UBE2U: variants seen among roughly 807,000 people sequenced by gnomAD.
UBE2U encodes ubiquitin-conjugating enzyme E2 U.
In UBE2U, 39 loss-of-function variants were observed where a neutral mutation model predicts 41.2. The observed-to-expected ratio is 0.95, with a 90% CI of 0.73 to 1.24. The LOEUF is 1.24. Ranked by LOEUF, UBE2U falls within the 50% of genes most tolerant of loss-of-function variation. UBE2U has a pLI of 0.00. For synonymous variants in UBE2U, 107 were observed against 117.8 expected, an observed-to-expected ratio of 0.91 and a Z score of 0.60; for missense variants, 336 against 363.1, an observed-to-expected ratio of 0.93 and a Z score of 0.61.
At chr1:64,237,450 C>T (rs1280233589) in intron 7 of UBE2U, among the ~76,000 whole-genome samples, 2 of 152,100 alleles carry the variant, frequency 1.3e-5, no homozygotes, top group Admixed American at 6.6e-5. Context: ...TGCAAGATAT[C>T]GTAGTGATGA....
At chr1:64,219,066 G>C (rs769671003) in intron 5 of UBE2U, among the ~76,000 whole-genome samples, 5 of 152,032 alleles carry the variant, frequency 3.3e-5, no homozygotes, top group Non-Finnish European at 5.9e-5. Context: ...CCTTGTGGTT[G>C]GTTTTGCTCC....
chr1:64,237,384 T>A (rs1005849361), intron 7 of UBE2U, among the ~76,000 whole-genome samples: 1 of 150,644 alleles, frequency 6.6e-6, no homozygotes, highest in African/African-American at 2.4e-5. Flanking sequence ...AGAAGAACTA[T>A]ACTGTGGATG....
rs573330649 is a variant in UBE2U at position 64,211,255 on chromosome 1, T to G, written c.339+416T>G. Among the ~76,000 whole-genome samples, 8 of 152,302 alleles carry G rather than the reference T, an allele frequency of 5.3e-5. No homozygotes were observed. In the East Asian group the frequency reaches 1.5e-3, roughly 29 times the overall value. On this transcript the variant is annotated intron_variant, in intron 4 of 9. Coordinates refer to ENST00000371077, the MANE Select transcript of UBE2U (RefSeq NM_001366232.2). Reference sequence around the variant, plus strand: ...GACTACAACTTAAAATGTTCACTTTTGTTTTTTGTTTCTGACAGTGCTAGT... The same window carrying G: ...GACTACAACTTAAAATGTTCACTTTGGTTTTTTGTTTCTGACAGTGCTAGT...
intron 6 of UBE2U, among the ~76,000 whole-genome samples, chr1:64,230,537 T>C (rs1557721300): frequency 6.6e-6 from 1 of 152,188 alleles, no homozygotes; most frequent in African/African-American, 2.4e-5. Context: ...GTGCACGCCA[T>C]GCTCTCTCCC....
intron 1 of UBE2U, 143 bp downstream of exon 1, chr1:64,204,259 T>C (rs1358469009): frequency 6.6e-6 from 4 of 605,954 alleles, no homozygotes; most frequent in Non-Finnish European, 1.1e-5. Flanking sequence ...TCCATTTCAC[T>C]GAAGTAATGT....
At position 64,231,364 on chromosome 1, in the gene UBE2U, T is replaced by C. The variant is rs1017466964; in HGVS notation, c.507-1197T>C. ...GACAGCAAATTGATCACAAGCTTTTTCATGCAGGAGATATAATGCAGCCTT... is the reference window on the plus strand; with the variant it reads ...GACAGCAAATTGATCACAAGCTTTTCCATGCAGGAGATATAATGCAGCCTT... On this transcript the variant is annotated intron_variant, in intron 6 of 9. Transcript: ENST00000371077. Among the ~76,000 whole-genome samples the C allele has an allele frequency of 2.6e-5, 4 of 152,216 alleles. No individual in the cohort carries two copies. The East Asian group carries it at 7.7e-4, about 29-fold the overall frequency.
chr1:64,247,239 G>C (rs1196399697), intron 8 of UBE2U, among the ~76,000 whole-genome samples: 3 of 151,908 alleles, frequency 2.0e-5, no homozygotes, highest in Non-Finnish European at 2.9e-5. Flanking sequence ...CTCCAATGTA[G>C]CCTCAAAAAG....
chr1:64,218,761 A>C (rs539967743), intron 5 of UBE2U, among the ~76,000 whole-genome samples: 2 of 152,392 alleles, frequency 1.3e-5, no homozygotes, highest in Admixed American at 1.3e-4. Context: ...TACTTGCCAC[A>C]GATAAACCAT....
intron 8 of UBE2U, among the ~76,000 whole-genome samples, chr1:64,256,840 G>A (rs926853252): frequency 6.6e-5 from 10 of 151,664 alleles, no homozygotes; most frequent in Non-Finnish European, 1.5e-4. Flanking sequence ...CTAAAGAAAG[G>A]GAGAAAAATT....
Position 64,232,583 on chromosome 1 carries a change from A to C in UBE2U, c.529A>C (p.Ser177Arg). Residue 177 changes from serine to arginine, a missense_variant, in exon 7 of 10, where the codon AGT becomes CGT. Transcript: ENST00000371077. ...CAGACCAATTAAAACAACCTCATTT[A>C]GTGATTACTACCAGACATGGTCCAG... is the stretch of plus-strand genomic sequence containing the variant. ...CIRPIKTTSF[S>R]DYYQTWSRIA... 5.6e-6 allele frequency: 9 copies of C among 1,613,128 alleles called. No individual in the cohort carries two copies. Among genetic ancestry groups the C allele is most frequent in the Non-Finnish European group, 7.6e-6 (9 of 1,179,520 alleles).
At position 64,258,376 on chromosome 1, in the gene UBE2U, G is replaced by T. The variant is rs148033783; in HGVS notation, c.678-2227G>T. On this transcript the variant is annotated intron_variant, in intron 8 of 9. Coordinates refer to ENST00000371077, the MANE Select transcript of UBE2U (RefSeq NM_001366232.2). Reference sequence around the variant, plus strand: ...TAGTGTACATGTGCACAACGTGCAGGTTTGTTACATAGGTATACATGTGCC... The same window carrying T: ...TAGTGTACATGTGCACAACGTGCAGTTTTGTTACATAGGTATACATGTGCC... 2.0e-4 allele frequency among the ~76,000 whole-genome samples: 30 copies of T among 152,234 alleles called. No individual in the cohort carries two copies. In the East Asian group the frequency reaches 5.4e-3, roughly 27 times the overall value.
chr1:64,224,493 C>T (rs976800652), intron 6 of UBE2U, among the ~76,000 whole-genome samples: 1 of 152,046 alleles, frequency 6.6e-6, no homozygotes, highest in Non-Finnish European at 1.5e-5. Flanking sequence ...GAGGCCGAGG[C>T]GGGTGGATCA....
At chr1:64,263,151 T>C (rs994702838) in intron 9 of UBE2U, among the ~76,000 whole-genome samples, 2 of 152,216 alleles carry the variant, frequency 1.3e-5, no homozygotes, top group Admixed American at 6.5e-5. Context: ...TCTTTAATCA[T>C]GGAATAGACT....
Position 64,239,139 on chromosome 1 carries a change from A to AAGGAGAAGGAGAAGGAGAAGGAGAAGG in UBE2U, c.596-2511_596-2510insGAGAAGGAGAAGGAGAAGGAGAAGGAG, listed in dbSNP as rs1557730519. Among the ~76,000 whole-genome samples the AAGGAGAAGGAGAAGGAGAAGGAGAAGG allele has an allele frequency of 1.1e-4, 3 of 26,860 alleles. 1 individual carries two copies. Among genetic ancestry groups the AAGGAGAAGGAGAAGGAGAAGGAGAAGG allele is most frequent in the African/African-American group, 5.7e-4 (3 of 5,248 alleles). 17.6% of individuals were successfully genotyped at this position (26,860 alleles called of 152,430 possible). On this transcript the variant is annotated intron_variant, in intron 7 of 9. Coordinates refer to ENST00000371077, the MANE Select transcript of UBE2U (RefSeq NM_001366232.2). ...GAAGAAGAAGAAGAAGAAGAAGAAG[A>AAGGAGAAGGAGAAGGAGAAGGAGAAGG]AGAAGAAGAAGAAGAAGAAAGAAGA... is the stretch of plus-strand genomic sequence containing the variant.
chr1:64,229,078 C>T (rs1653099439), intron 6 of UBE2U, among the ~76,000 whole-genome samples: 1 of 151,896 alleles, frequency 6.6e-6, no homozygotes, highest in Non-Finnish European at 1.5e-5. Flanking sequence ...CCAGGATGGT[C>T]GCGATCTCCT....
intron 8 of UBE2U, among the ~76,000 whole-genome samples, chr1:64,252,449 G>A (rs1280628752): frequency 6.6e-6 from 1 of 152,180 alleles, no homozygotes; most frequent in Non-Finnish European, 1.5e-5. Context: ...CTCCTGACTG[G>A]GAGAGACCTT....
chr1:64,267,255 C>G lies in UBE2U; in HGVS notation c.*47C>G, dbSNP rs184589044. 1,470 of 1,405,964 alleles carry G rather than the reference C, an allele frequency of 1.0e-3. 14 individuals are homozygous for G. The highest frequency in any genetic ancestry group is 2.6e-3 in the South Asian group (156 of 58,960). 87.1% of individuals were successfully genotyped at this position (1,405,964 alleles called of 1,614,324 possible). ...AAAATAAACAGCCTCCGCCATAGCC[C>G]AGCGTTGTGGAGCAATTTTGGAAGA... On this transcript the variant is annotated 3_prime_UTR_variant, in exon 10 of 10. Coordinates refer to ENST00000371077, the MANE Select transcript of UBE2U (RefSeq NM_001366232.2).
At chr1:64,235,940 G>T (rs1644659368) in intron 7 of UBE2U, among the ~76,000 whole-genome samples, 1 of 152,032 alleles carries the variant, frequency 6.6e-6, no homozygotes, top group Non-Finnish European at 1.5e-5. Context: ...TACTTTGTTT[G>T]AAGATGAGAA....
rs186897197 is a variant in UBE2U, at chr1:64,239,874, G to A, written c.596-1778G>A. 8.2e-3 allele frequency among the ~76,000 whole-genome samples: 1,247 copies of A among 152,106 alleles called. 20 individuals carry two copies. Among genetic ancestry groups the A allele is most frequent in the African/African-American group, 0.029 (1,210 of 41,492 alleles). ...AGCAGCATGATTTATAATCCTTTGGGGTATACACCCAGTAATGGGATGGCT... is the reference window on the plus strand; with the variant it reads ...AGCAGCATGATTTATAATCCTTTGGAGTATACACCCAGTAATGGGATGGCT... On this transcript the variant is annotated intron_variant, in intron 7 of 9. Transcript: ENST00000371077.
Sources: allele counts gnomAD v4.1 joint callset (sites outside exome capture counted in the v4.1 genomes callset), GRCh38; gene constraint gnomAD v4.1.1; transcripts MANE v1.5; gene names NCBI Gene and HGNC (gene_info 2026-07-23, HGNC 2026-07-21).